TAF4: variants seen among roughly 807,000 people sequenced by gnomAD.
TAF4 encodes transcription initiation factor TFIID subunit 4.
Under a neutral mutation model 90.3 loss-of-function variants are expected in TAF4, and 9 were observed. The observed-to-expected ratio is 0.10, with a 90% confidence interval of 0.06 to 0.17. The LOEUF (loss-of-function observed/expected upper bound fraction) is 0.17. Among genes scored for constraint, TAF4 ranks in the 10% least tolerant of loss-of-function variants. The pLI, the probability that TAF4 is intolerant of heterozygous loss-of-function variation, is 1.00. For missense variants in TAF4, 1,351 were observed against 1,370.7 expected (o/e 0.99, Z 0.23); for synonymous variants, 818 against 638.9 (o/e 1.28, Z -4.23).
intron 1 of TAF4, among the ~76,000 whole-genome samples, chr20:62,018,751 C>CGTGG: frequency 6.6e-6 from 1 of 152,378 alleles, no homozygotes; most frequent in East Asian, 1.9e-4. Flanking sequence ...TCCACGCACC[C>CGTGG]AGCCCTCGAG....
Position 62,065,091 on chromosome 20 carries a change from C to A in TAF4, c.720G>T (p.Thr240=). Residue 240 remains threonine, a synonymous_variant, in exon 1 of 15, where the codon ACG becomes ACT. Coordinates refer to ENST00000252996, the MANE Select transcript of TAF4 (RefSeq NM_003185.4). ...KPAAPGTVIQ[T]PPFVGAAAPP... Reference sequence around the variant, plus strand: ...GCGCGGCGGCGCCCACGAAGGGGGGCGTCTGGATGACAGTGCCGGGGGCGG... The same window carrying A: ...GCGCGGCGGCGCCCACGAAGGGGGGAGTCTGGATGACAGTGCCGGGGGCGG... The A allele has an allele frequency of 1.0e-6, 1 of 990,292 alleles. No individual in the cohort carries two copies. The highest frequency in any genetic ancestry group is 1.2e-6 in the Non-Finnish European group (1 of 835,300). The allele number at this position is 990,292 out of a possible 1,614,324, so 61.3% of individuals were successfully genotyped here. A position where few individuals can be genotyped will look rare whatever the true frequency, so the allele number is the denominator to read the frequency against.
chr20:62,007,172 T>C (rs1005185348), intron 6 of TAF4, among the ~76,000 whole-genome samples: 11 of 152,180 alleles, frequency 7.2e-5, no homozygotes, highest in Non-Finnish European at 1.5e-4. Context: ...AATATACGTA[T>C]TGATTTTTAA....
intron 1 of TAF4, among the ~76,000 whole-genome samples, chr20:62,030,311 C>A (rs1030895477): frequency 1.3e-5 from 2 of 152,266 alleles, no homozygotes; most frequent in African/African-American, 4.8e-5. Flanking sequence ...AGCAGCATCA[C>A]AAGCATCACA....
At chr20:62,016,610 C>T (rs1454766701) in intron 1 of TAF4, among the ~76,000 whole-genome samples, 2 of 152,206 alleles carry the variant, frequency 1.3e-5, no homozygotes, top group South Asian at 2.1e-4. Context: ...GCACTGTCGG[C>T]TTCCCTACTT....
intron 1 of TAF4, among the ~76,000 whole-genome samples, chr20:62,047,634 G>A (rs1568941476): frequency 6.6e-6 from 1 of 152,140 alleles, no homozygotes; most frequent in East Asian, 1.9e-4. Flanking sequence ...CCATCACACT[G>A]GAAATAGCAT....
At chr20:62,046,980 A>G (rs2055997005) in intron 1 of TAF4, among the ~76,000 whole-genome samples, 1 of 152,200 alleles carries the variant, frequency 6.6e-6, no homozygotes, top group Non-Finnish European at 1.5e-5. Context: ...GTTAGATATA[A>G]ATATTTTCTC....
At chr20:62,062,778 G>T (rs765854375) in intron 1 of TAF4, among the ~76,000 whole-genome samples, 7 of 152,160 alleles carry the variant, frequency 4.6e-5, no homozygotes, top group Non-Finnish European at 1.0e-4. Context: ...CCTCCCAGAA[G>T]AAAGAGACAG....
rs763563989 is a variant in TAF4, at chr20:62,063,597, C to T, written c.1360+854G>A. On this transcript the variant is annotated intron_variant, in intron 1 of 14. Coordinates refer to ENST00000252996, the MANE Select transcript of TAF4 (RefSeq NM_003185.4). ...GCGGAAGTGGCGTCGGAGCCCCAGG[C>T]ATCCGCAGCATAGCCAGTATCGCCC... Among the ~76,000 whole-genome samples, 95 of 152,194 alleles carry T rather than the reference C, an allele frequency of 6.2e-4. 1 individual carries two copies. The highest frequency in any genetic ancestry group is 1.6e-4 in the Non-Finnish European group (11 of 68,018).
At chr20:61,982,911 G>T (rs1036497627) in intron 14 of TAF4, among the ~76,000 whole-genome samples, 5 of 152,018 alleles carry the variant, frequency 3.3e-5, no homozygotes, top group African/African-American at 9.7e-5. Flanking sequence ...CCCCCACAAG[G>T]CAAGAACAGA....
intron 14 of TAF4, among the ~76,000 whole-genome samples, chr20:61,996,040 T>C (rs2055660934): frequency 6.6e-6 from 1 of 151,680 alleles, no homozygotes. Context: ...AAACTGAATA[T>C]CCAGAGAACC....
chr20:62,030,585 C>A (rs983626671), intron 1 of TAF4, among the ~76,000 whole-genome samples: 2 of 152,218 alleles, frequency 1.3e-5, no homozygotes, highest in African/African-American at 4.8e-5. Context: ...AGGACGCACT[C>A]GCAGGATGGG....
chr20:62,037,883 T>C (rs180694521), intron 1 of TAF4: 218 of 221,394 alleles, frequency 9.8e-4, no homozygotes, highest in African/African-American at 4.9e-3. Flanking sequence ...GTTCTTAAAG[T>C]GATCAAGAAG....
At chr20:61,977,946 G>C (rs1233568016) in intron 14 of TAF4, among the ~76,000 whole-genome samples, 2 of 152,234 alleles carry the variant, frequency 1.3e-5, no homozygotes, top group Non-Finnish European at 2.9e-5. Context: ...GGGTGAAGGA[G>C]AGACGCTCAT....
chr20:61,978,683 C>T (rs2055513969), intron 14 of TAF4, among the ~76,000 whole-genome samples: 1 of 151,680 alleles, frequency 6.6e-6, no homozygotes, highest in Non-Finnish European at 1.5e-5. Flanking sequence ...GCGAGACCAA[C>T]CAAGGCCGGG....
intron 14 of TAF4, among the ~76,000 whole-genome samples, chr20:61,985,500 A>G (rs1275136193): frequency 6.6e-6 from 1 of 152,076 alleles, no homozygotes; most frequent in Non-Finnish European, 1.5e-5. Context: ...TTTGAAATGT[A>G]CTATTTTGAC....
chr20:62,044,528 A>G (rs1348618582), intron 1 of TAF4, among the ~76,000 whole-genome samples: 1 of 152,260 alleles, frequency 6.6e-6, no homozygotes, highest in African/African-American at 2.4e-5. Context: ...AGTTTTGAAC[A>G]CAGTACTGAT....
In TAF4 at chr20:62,003,783, G is replaced by C. The variant is rs748079127; in HGVS notation, c.2319C>G (p.Asn773Lys). The C allele has an allele frequency of 1.2e-6, 2 of 1,609,078 alleles. No homozygotes were observed. The highest frequency in any genetic ancestry group is 1.7e-6 in the Non-Finnish European group (2 of 1,179,544). ...TPMVALRQPHNRIMLTTPQQI... is the reference protein window; with the variant it reads ...TPMVALRQPHKRIMLTTPQQI... ...GCTGAGGCGTGGTGAGCATGATCCGGTTGTGAGGCTGCCGCAGGGCGACCA... is the reference window on the plus strand; with the variant it reads ...GCTGAGGCGTGGTGAGCATGATCCGCTTGTGAGGCTGCCGCAGGGCGACCA... Residue 773 changes from asparagine to lysine, a missense_variant, in exon 8 of 15, where the codon AAC becomes AAG. Transcript: ENST00000252996.
At chr20:61,984,085 T>C (rs1300562626) in intron 14 of TAF4, among the ~76,000 whole-genome samples, 1 of 152,124 alleles carries the variant, frequency 6.6e-6, no homozygotes, top group Non-Finnish European at 1.5e-5. Context: ...ACAGCATGCC[T>C]GCCGCAGAAC....
intron 1 of TAF4, among the ~76,000 whole-genome samples, chr20:62,030,406 G>C (rs1373029586): frequency 6.6e-6 from 1 of 152,190 alleles, no homozygotes; most frequent in East Asian, 1.9e-4. Context: ...TGCGTAGACA[G>C]ACACATAATT....
Sources: allele counts gnomAD v4.1 joint callset (sites outside exome capture counted in the v4.1 genomes callset), GRCh38; gene constraint gnomAD v4.1.1; transcripts MANE v1.5; gene names NCBI Gene and HGNC (gene_info 2026-07-23, HGNC 2026-07-21).